BAALC: variants seen among roughly 807,000 people sequenced by gnomAD.
BAALC encodes the protein brain and acute leukemia cytoplasmic protein.
BAALC carries 9 observed loss-of-function variants against 15.5 expected under a neutral mutation model. The observed-to-expected ratio is 0.58, with a 90% CI of 0.35 to 1.02. The LOEUF (loss-of-function observed/expected upper bound fraction) is 1.02. BAALC is among the 50% of genes least tolerant of loss of function. The pLI is 0.02. For synonymous variants in BAALC, 80 were observed against 74.6 expected (o/e 1.07, Z -0.37); for missense variants, 201 against 192.4 (o/e 1.04, Z -0.27).
chr8:103,167,543 T>C (rs941572291), intron 1 of BAALC, among the ~76,000 whole-genome samples: 4 of 152,218 alleles, frequency 2.6e-5, no homozygotes, highest in African/African-American at 9.6e-5. Context: ...TACGAACTCA[T>C]ACAATTAATT....
chr8:103,146,300 C>A (rs1810880249), intron 1 of BAALC, among the ~76,000 whole-genome samples: 1 of 152,202 alleles, frequency 6.6e-6, no homozygotes, highest in Non-Finnish European at 1.5e-5. Flanking sequence ...AACAGGAGTG[C>A]AGCCCAGCTG....
At chr8:103,146,475 T>A (rs1810883587) in intron 1 of BAALC, among the ~76,000 whole-genome samples, 1 of 152,244 alleles carries the variant, frequency 6.6e-6, no homozygotes, top group African/African-American at 2.4e-5. Context: ...CCGTCAAGGA[T>A]GACTGTTAGG....
intron 1 of BAALC, among the ~76,000 whole-genome samples, chr8:103,168,213 A>G (rs1197732538): frequency 6.6e-6 from 1 of 151,672 alleles, no homozygotes; most frequent in Non-Finnish European, 1.5e-5. Flanking sequence ...TGGAGTAACT[A>G]CTGTCAACTA....
chr8:103,193,090 C>T (rs1480161861), intron 1 of BAALC, among the ~76,000 whole-genome samples: 1 of 152,194 alleles, frequency 6.6e-6, no homozygotes. Flanking sequence ...TCAGCATAAC[C>T]AAGTTTCAGT....
At chr8:103,213,708 G>A (rs1812502911) in intron 2 of BAALC, 4 of 152,468 alleles carry the variant, frequency 2.6e-5, no homozygotes. Context: ...CTCTTAGTAG[G>A]CAGGGCTCAG....
intron 1 of BAALC, among the ~76,000 whole-genome samples, chr8:103,164,974 G>C (rs147434541): frequency 2.9e-4 from 44 of 152,286 alleles, no homozygotes; most frequent in African/African-American, 9.1e-4. Flanking sequence ...CTGACAAGTA[G>C]GAACACACTA....
chr8:103,161,481 A>G (rs934154596), intron 1 of BAALC, among the ~76,000 whole-genome samples: 9 of 152,152 alleles, frequency 5.9e-5, no homozygotes, highest in Non-Finnish European at 2.9e-5. Flanking sequence ...ATTCCTTTTT[A>G]TAGCTGCATA....
At chr8:103,192,450 C>T (rs1335261856) in intron 1 of BAALC, among the ~76,000 whole-genome samples, 1 of 152,198 alleles carries the variant, frequency 6.6e-6, no homozygotes, top group East Asian at 1.9e-4. Context: ...TACTGAAATC[C>T]TTCTCATTTA....
intron 1 of BAALC, among the ~76,000 whole-genome samples, chr8:103,193,501 C>G (rs1812020887): frequency 6.6e-6 from 1 of 152,158 alleles, no homozygotes; most frequent in Non-Finnish European, 1.5e-5. Context: ...ATTGTTGTGC[C>G]TGGGAGTGGG....
chr8:103,212,394 AC>A (rs1479472881), intron 1 of BAALC, among the ~76,000 whole-genome samples: 2 of 152,168 alleles, frequency 1.3e-5, no homozygotes, highest in Non-Finnish European at 2.9e-5. Flanking sequence ...ACTGCAGCAA[AC>A]TATGATCATG....
chr8:103,198,595 T>A (rs982905373), intron 1 of BAALC, among the ~76,000 whole-genome samples: 1 of 152,104 alleles, frequency 6.6e-6, no homozygotes, highest in Admixed American at 6.6e-5. Flanking sequence ...AACATAGATA[T>A]AATATAGTTT....
intron 1 of BAALC, among the ~76,000 whole-genome samples, chr8:103,208,791 G>A (rs1430841107): frequency 6.6e-6 from 1 of 152,124 alleles, no homozygotes; most frequent in East Asian, 1.9e-4. Flanking sequence ...GGTGCGTAAG[G>A]CCTCTCCTTG....
At chr8:103,194,574 T>C (rs1399409479) in intron 1 of BAALC, among the ~76,000 whole-genome samples, 1 of 152,206 alleles carries the variant, frequency 6.6e-6, no homozygotes, top group Non-Finnish European at 1.5e-5. Flanking sequence ...AATCATAGTA[T>C]AATAAAAGGT....
rs1190176926 is a variant in BAALC at position 103,155,836 on chromosome 8, C to T, written c.160+14779C>T. Among the ~76,000 whole-genome samples the T allele has an allele frequency of 5.3e-5, 8 of 152,142 alleles. No homozygotes were observed. The East Asian group carries it at 9.6e-4, about 18-fold the overall frequency. ...TCTAGGTCAGTGGAGAGTGAAATTTCGTGGGTCTGGGGTGGACCTGAGATT... is the reference window on the plus strand; with the variant it reads ...TCTAGGTCAGTGGAGAGTGAAATTTTGTGGGTCTGGGGTGGACCTGAGATT... On this transcript the variant is annotated intron_variant, in intron 1 of 2. Coordinates refer to ENST00000309982, the MANE Select transcript of BAALC (RefSeq NM_024812.3).
chr8:103,187,024 C>G (rs1362970283), intron 1 of BAALC, among the ~76,000 whole-genome samples: 1 of 152,198 alleles, frequency 6.6e-6, no homozygotes, highest in African/African-American at 2.4e-5. Flanking sequence ...CTGGCTCTTA[C>G]AGGTAATATC....
intron 1 of BAALC, among the ~76,000 whole-genome samples, chr8:103,156,196 G>C (rs970384303): frequency 3.9e-5 from 6 of 152,176 alleles, no homozygotes; most frequent in Admixed American, 1.3e-4. Flanking sequence ...ACTAGTCCTA[G>C]CCCTCAGAAA....
intron 1 of BAALC, among the ~76,000 whole-genome samples, chr8:103,212,003 A>C (rs943959814): frequency 1.3e-5 from 2 of 152,180 alleles, no homozygotes; most frequent in South Asian, 4.1e-4. Context: ...TCTTTCCAAT[A>C]AGATTCTGTT....
intron 2 of BAALC, among the ~76,000 whole-genome samples, chr8:103,225,870 T>C (rs1286482726): frequency 6.6e-6 from 1 of 152,022 alleles, no homozygotes; most frequent in Non-Finnish European, 1.5e-5. Flanking sequence ...TAGAGAGGGG[T>C]GTCGCCATCA....
At chr8:103,222,440 G>A (rs1305826338) in intron 2 of BAALC, among the ~76,000 whole-genome samples, 1 of 152,128 alleles carries the variant, frequency 6.6e-6, no homozygotes, top group Non-Finnish European at 1.5e-5. Context: ...ACAATATACA[G>A]GGTCAAACAA....
Sources: gnomAD v4.1 joint callset for allele counts (sites outside exome capture counted in the v4.1 genomes callset) on GRCh38, gnomAD v4.1.1 for gene constraint, MANE v1.5 for transcripts, NCBI Gene and HGNC (gene_info 2026-07-23, HGNC 2026-07-21) for gene names.